The following CPNE9 variants were observed in gnomAD, a reference collection of about 807,000 sequenced individuals.
The protein encoded by CPNE9 is copine-9.
Under a neutral mutation model 83.0 loss-of-function variants are expected in CPNE9, and 59 were observed. That is an observed-to-expected ratio of 0.71 (90% confidence interval 0.58 to 0.88). The LOEUF (loss-of-function observed/expected upper bound fraction) is 0.88. Ranked by LOEUF, CPNE9 falls within the 40% of genes least tolerant of loss-of-function variation. CPNE9 has a pLI of 0.00. For synonymous variants in CPNE9, 256 were observed against 273.4 expected (o/e 0.94, Z 0.63); for missense variants, 619 against 720.8 (o/e 0.86, Z 1.62).
chr3:9,721,597 G>C (rs10049122), intron 17 of CPNE9, among the ~76,000 whole-genome samples: 12,413 of 152,144 alleles, frequency 0.082, 1,617 homozygotes, highest in African/African-American at 0.28. Context: ...TGCTCAGCTG[G>C]GTCTAGAGGA....
intron 10 of CPNE9, among the ~76,000 whole-genome samples, chr3:9,714,496 C>CT (rs1287430154): frequency 2.2e-3 from 312 of 143,984 alleles, no homozygotes; most frequent in East Asian, 4.2e-3. Flanking sequence ...AGCCAAATTA[C>CT]TTTTTTTTTT....
intron 7 of CPNE9, among the ~76,000 whole-genome samples, chr3:9,710,876 T>A (rs1376932671): frequency 6.6e-6 from 1 of 152,022 alleles, no homozygotes; most frequent in Admixed American, 6.6e-5. Flanking sequence ...GTAAAAATTT[T>A]AAAATTAGCC....
intron 20 of CPNE9, among the ~76,000 whole-genome samples, chr3:9,728,889 C>G (rs1429981794): frequency 6.6e-6 from 1 of 152,078 alleles, no homozygotes; most frequent in African/African-American, 2.4e-5. Context: ...TCTCAGGATC[C>G]CTTCTCTCTG....
intron 15 of CPNE9, 109 bp from the exon 16 acceptor site, chr3:9,717,920 G>C: frequency 1.1e-6 from 1 of 898,156 alleles, no homozygotes; most frequent in Non-Finnish European, 1.7e-6. Context: ...GAGGACATGG[G>C]TAGAGGGCAG....
Position 9,705,529 on chromosome 3 carries a change from G to T in CPNE9, c.297+29G>T, listed in dbSNP as rs766523332. 1.9e-6 allele frequency: 3 copies of T among 1,607,706 alleles called. No individual in the cohort carries two copies. In the African/African-American group the frequency reaches 4.0e-5, roughly 22 times the overall value. On this transcript the variant is annotated intron_variant, in intron 5 of 20. Coordinates refer to ENST00000383832, the MANE Select transcript of CPNE9 (RefSeq NM_153635.3). ...AGCAAACGTTTCCTCGAGGGTTGGC[G>T]GAGCGCACAGGAGGCACTTAGATGT...
chr3:9,721,641 G>A (rs1024499161), intron 17 of CPNE9, among the ~76,000 whole-genome samples: 19 of 152,186 alleles, frequency 1.2e-4, no homozygotes, highest in African/African-American at 4.6e-4. Flanking sequence ...CAGAAGCAGA[G>A]TAGGCCTGGT....
intron 11 of CPNE9, 52 bp from the exon 12 acceptor site, chr3:9,715,237 C>G: frequency 1.3e-6 from 2 of 1,578,088 alleles, no homozygotes; most frequent in South Asian, 1.1e-5. Flanking sequence ...GGGTTCAGCT[C>G]TGGTTCCAAA....
intron 4 of CPNE9, 29 bp from the exon 5 acceptor site, chr3:9,705,435 A>AC: frequency 2.8e-6 from 1 of 355,486 alleles, no homozygotes; most frequent in Non-Finnish European, 4.3e-6. Context: ...ACCCAGCCCC[A>AC]CCCCACACCG....
At position 9,712,594 on chromosome 3, in the gene CPNE9, G is replaced by A; in HGVS notation, c.431G>A (p.Ser144Asn). The A allele has an allele frequency of 6.2e-7, 1 of 1,614,138 alleles. No homozygotes were observed. The highest frequency in any genetic ancestry group is 8.5e-7 in the Non-Finnish European group (1 of 1,179,968). The part of the protein sequence containing the change: ...GTILLTAEEL[S>N]NCRDIATMQL... ...ATATTGCTGACTGCAGAAGAGCTTA[G>A]CAATTGTCGGGTCAGTAAGGGCCAC... The change falls in exon 8 of 21, where the codon AGC becomes AAC. Residue 144 changes from serine (S) to asparagine (N), a missense_variant. Ser to Asn is a conservative substitution (Grantham distance 46). Around this residue, in one of 3 missense-constraint regions of CPNE9, gnomAD observed 438 missense variants for 562.9 expected, o/e 0.78. Transcript: ENST00000383832.
chr3:9,711,117 G>C (rs1443004979), intron 7 of CPNE9, among the ~76,000 whole-genome samples: 1 of 152,204 alleles, frequency 6.6e-6, no homozygotes, highest in Non-Finnish European at 1.5e-5. Flanking sequence ...GGATGGATGA[G>C]GTGGTAAGGG....
intron 7 of CPNE9, among the ~76,000 whole-genome samples, chr3:9,710,648 C>T (rs1175046618): frequency 2.0e-5 from 3 of 152,144 alleles, no homozygotes; most frequent in African/African-American, 7.2e-5. Context: ...TTTGTCTGGC[C>T]ATGTTCAGTT....
At position 9,725,234 on chromosome 3, in the gene CPNE9, A is replaced by G. The variant is rs562799297; in HGVS notation, c.1242-715A>G. On this transcript the variant is annotated intron_variant, in intron 17 of 20. Coordinates refer to ENST00000383832, the MANE Select transcript of CPNE9 (RefSeq NM_153635.3). ...CAGTGTCTACCATAGTAAGTGCTCA[A>G]TAAATATTACTGAAGGCAGACCAGG... Among the ~76,000 whole-genome samples, 74 of 152,250 alleles carry G rather than the reference A, an allele frequency of 4.9e-4. 1 individual carries two copies. The highest frequency in any genetic ancestry group is 1.7e-3 in the African/African-American group (72 of 41,534).
chr3:9,721,348 G>T (rs1372302460), intron 17 of CPNE9, among the ~76,000 whole-genome samples: 1 of 152,210 alleles, frequency 6.6e-6, no homozygotes, highest in Non-Finnish European at 1.5e-5. Flanking sequence ...TGAAGTTTCC[G>T]TATTTCATCT....
At chr3:9,719,439 C>T (rs1255084591) in intron 17 of CPNE9, among the ~76,000 whole-genome samples, 1 of 152,150 alleles carries the variant, frequency 6.6e-6, no homozygotes, top group East Asian at 1.9e-4. Flanking sequence ...TACGTTTTAG[C>T]ATCAGATCTG....
In CPNE9 at chr3:9,729,766, C is replaced by T. The variant is rs2076813418; in HGVS notation, c.*74C>T. On this transcript the variant is annotated 3_prime_UTR_variant, in exon 21 of 21. Coordinates refer to ENST00000383832, the MANE Select transcript of CPNE9 (RefSeq NM_153635.3). ...TGCTTCTGCTTTAAGCCAGAGGCAC[C>T]TGGAACCCTGGACTTCACTGGGAGG... is the stretch of plus-strand genomic sequence containing the variant. 6.7e-7 allele frequency: 1 copy of T among 1,499,158 alleles called. No individual in the cohort carries two copies. The highest frequency in any genetic ancestry group is 8.9e-7 in the Non-Finnish European group (1 of 1,119,436). 92.9% of individuals were successfully genotyped at this position (1,499,158 alleles called of 1,614,324 possible). A position where few individuals can be genotyped will look rare whatever the true frequency, so the allele number is the denominator to read the frequency against.
intron 6 of CPNE9, 101 bp downstream of exon 6, chr3:9,705,821 A>AC: frequency 7.0e-7 from 1 of 1,425,426 alleles, no homozygotes; most frequent in Non-Finnish European, 9.8e-7. Flanking sequence ...TTGCTCGCAG[A>AC]CCCCTTCTTT....
At chr3:9,713,178 G>C in intron 10 of CPNE9, 99 bp downstream of exon 10, 1 of 930,878 alleles carries the variant, frequency 1.1e-6, no homozygotes, top group Non-Finnish European at 1.7e-6. Context: ...TAGCGTTGGA[G>C]GGTCCTGCTC....
intron 17 of CPNE9, 90 bp from the exon 18 acceptor site, chr3:9,725,859 C>A: frequency 2.0e-6 from 2 of 980,512 alleles, no homozygotes; most frequent in Non-Finnish European, 3.3e-6. Flanking sequence ...CTGCCCACTG[C>A]CCACACACTG....
At chr3:9,715,085 T>C in intron 11 of CPNE9, 130 bp downstream of exon 11, 1 of 945,534 alleles carries the variant, frequency 1.1e-6, no homozygotes, top group Non-Finnish European at 1.6e-6. Context: ...CACCAGTGTC[T>C]TGGGTACAAC....
Sources: gnomAD v4.1 joint callset for allele counts (sites outside exome capture counted in the v4.1 genomes callset) on GRCh38, gnomAD v4.1.1 for gene constraint, gnomAD v4.1.1 regional missense constraint, MANE v1.5 for transcripts, NCBI Gene and HGNC (gene_info 2026-07-23, HGNC 2026-07-21) for gene names.